Variants in RASGRF2 observed in about 807,000 individuals in gnomAD.
RASGRF2 encodes the protein Ras protein specific guanine nucleotide releasing factor 2.
A neutral mutation model predicts 151.0 loss-of-function variants in RASGRF2; 76 were observed. The ratio of observed to expected loss-of-function variants is 0.50; its 90% CI spans 0.42 to 0.61. The LOEUF is 0.61. Ranked by LOEUF, RASGRF2 falls within the 20% of genes least tolerant of loss-of-function variation. The pLI, the probability that RASGRF2 is intolerant of heterozygous loss-of-function variation, is 0.00. For missense variants in RASGRF2, 1,148 were observed against 1,564.6 expected (o/e 0.73, Z 4.49); for synonymous variants, 504 against 566.5 (o/e 0.89, Z 1.57).
At chr5:81,113,238 T>C in intron 14 of RASGRF2, 1 of 498,510 alleles carries the variant, frequency 2.0e-6, no homozygotes, top group South Asian at 2.9e-5. Context: ...AATTGCTGGC[T>C]CTGATTCAGC....
intron 1 of RASGRF2, among the ~76,000 whole-genome samples, chr5:80,987,065 G>A (rs1334391837): frequency 6.6e-6 from 1 of 152,088 alleles, no homozygotes; most frequent in African/African-American, 2.4e-5. Flanking sequence ...TTCTCCTTCT[G>A]CCAGATGAGC....
rs574340331 is a variant in RASGRF2, at chr5:81,025,960, C to T, written c.289-16917C>T. Among the ~76,000 whole-genome samples, 15 of 150,706 alleles carry T rather than the reference C, an allele frequency of 1.0e-4. No homozygotes were observed. In the East Asian group the frequency reaches 2.0e-3, roughly 20 times the overall value. On this transcript the variant is annotated intron_variant, in intron 1 of 26. Coordinates refer to ENST00000265080, the MANE Select transcript of RASGRF2 (RefSeq NM_006909.3). ...TCCCTCCCTCCCCACACGGCCCTTTCGCCCTCCTTCCTTCCCTCTTCCCTC... is the reference window on the plus strand; with the variant it reads ...TCCCTCCCTCCCCACACGGCCCTTTTGCCCTCCTTCCTTCCCTCTTCCCTC...
Position 81,120,402 on chromosome 5 carries a change from C to T in RASGRF2, c.2471-3240C>T, listed in dbSNP as rs184113431. 4.9e-3 allele frequency among the ~76,000 whole-genome samples: 744 copies of T among 151,958 alleles called. 4 individuals are homozygous for T. The highest frequency in any genetic ancestry group is 0.01 in the Middle Eastern group (3 of 294). On this transcript the variant is annotated intron_variant, in intron 15 of 26. Coordinates refer to ENST00000265080, the MANE Select transcript of RASGRF2 (RefSeq NM_006909.3). ...GACCAGCCTGGGCAACATAGTGAGA[C>T]CTTGTCTCTACTAAAAATAAAAATA...
chr5:81,026,329 A>G (rs1222605239), intron 1 of RASGRF2, among the ~76,000 whole-genome samples: 1 of 148,418 alleles, frequency 6.7e-6, no homozygotes, highest in Non-Finnish European at 1.5e-5. Context: ...TATCTTCTCT[A>G]CTTAAGCTCC....
At chr5:81,167,928 T>C (rs1754550712) in intron 17 of RASGRF2, among the ~76,000 whole-genome samples, 1 of 152,214 alleles carries the variant, frequency 6.6e-6, no homozygotes, top group African/African-American at 2.4e-5. Flanking sequence ...CAGACAATCC[T>C]AGTAAAGTCA....
At chr5:81,181,524 C>G (rs1280287961) in intron 18 of RASGRF2, among the ~76,000 whole-genome samples, 1 of 152,210 alleles carries the variant, frequency 6.6e-6, no homozygotes, top group Admixed American at 6.5e-5. Flanking sequence ...TGTCTAGTCT[C>G]TTTTCCCTGT....
At chr5:81,010,545 G>A (rs1749426080) in intron 1 of RASGRF2, among the ~76,000 whole-genome samples, 1 of 152,188 alleles carries the variant, frequency 6.6e-6, no homozygotes, top group South Asian at 2.1e-4. Context: ...CAGCAAAAAT[G>A]TAAAGTTCTA....
intron 1 of RASGRF2, among the ~76,000 whole-genome samples, chr5:80,967,647 T>G (rs937536748): frequency 1.3e-5 from 2 of 152,212 alleles, no homozygotes; most frequent in African/African-American, 4.8e-5. Context: ...TGGACTGTAT[T>G]TATAAGCCCA....
intron 18 of RASGRF2, 81 bp downstream of exon 18, chr5:81,180,362 T>C (rs1754885936): frequency 8.3e-6 from 7 of 845,636 alleles, no homozygotes; most frequent in Non-Finnish European, 1.2e-5. Flanking sequence ...GTAAAACACC[T>C]CCCTACTCTT....
At chr5:81,127,595 G>A (rs1753492937) in intron 17 of RASGRF2, among the ~76,000 whole-genome samples, 1 of 151,960 alleles carries the variant, frequency 6.6e-6, no homozygotes, top group African/African-American at 2.4e-5. Context: ...AGTGCTTCTG[G>A]GAAGAGACTG....
intron 17 of RASGRF2, among the ~76,000 whole-genome samples, chr5:81,167,868 G>C (rs1754549148): frequency 6.6e-6 from 1 of 152,176 alleles, no homozygotes; most frequent in South Asian, 2.1e-4. Context: ...GGGTGGTGCT[G>C]CTGGGACTCA....
intron 17 of RASGRF2, among the ~76,000 whole-genome samples, chr5:81,129,565 A>G (rs185934095): frequency 5.6e-4 from 85 of 152,320 alleles, no homozygotes; most frequent in African/African-American, 1.9e-3. Context: ...CTTTGCCCCA[A>G]ATATTCTTAA....
chr5:81,080,772 A>G lies in RASGRF2; in HGVS notation c.1144A>G (p.Thr382Ala). The G allele has an allele frequency of 6.2e-7, 1 of 1,613,510 alleles. No homozygotes were observed. Among genetic ancestry groups the G allele is most frequent in the Non-Finnish European group, 8.5e-7 (1 of 1,179,742 alleles). ...GGGGAGGATGCTGGAGACATTCTTG[A>G]CCTATCCCATGTTTCAGGTAAGTCA... ...CEGRMLETFLTYPMFQIPRYI... is the reference protein window; with the variant it reads ...CEGRMLETFLAYPMFQIPRYI... The change falls in exon 7 of 27, where the codon ACC (threonine) becomes GCC (alanine). Residue 382 changes from threonine to alanine, a missense_variant. By Grantham distance (58) the Thr-to-Ala change is moderately conservative (BLOSUM62 0). Around this residue, in one of 5 missense-constraint regions of RASGRF2, gnomAD observed 176 missense variants for 309.6 expected, o/e 0.57. Transcript: ENST00000265080.
chr5:81,192,768 C>G (rs1023277154), intron 18 of RASGRF2, among the ~76,000 whole-genome samples: 17 of 152,204 alleles, frequency 1.1e-4, no homozygotes, highest in African/African-American at 4.1e-4. Flanking sequence ...CCAGACCTGT[C>G]AAGGCTGATT....
chr5:81,196,079 C>T (rs1349265530), intron 18 of RASGRF2, among the ~76,000 whole-genome samples: 1 of 152,062 alleles, frequency 6.6e-6, no homozygotes, highest in East Asian at 1.9e-4. Context: ...GCCAACATGG[C>T]GAAACCCCAT....
chr5:80,981,114 T>C (rs1748285289), intron 1 of RASGRF2, among the ~76,000 whole-genome samples: 1 of 152,254 alleles, frequency 6.6e-6, no homozygotes, highest in Non-Finnish European at 1.5e-5. Context: ...ACAGCAATAC[T>C]ACTTGTTTAT....
At chr5:81,000,275 CTT>C (rs1749036626) in intron 1 of RASGRF2, among the ~76,000 whole-genome samples, 1 of 152,218 alleles carries the variant, frequency 6.6e-6, no homozygotes, top group Admixed American at 6.5e-5. Flanking sequence ...GGGTTTCGCT[CTT>C]GTCACCTAGG....
chr5:81,094,411 G>A, intron 11 of RASGRF2, 49 bp downstream of exon 11: 2 of 1,518,608 alleles, frequency 1.3e-6, no homozygotes. Context: ...AGAGGCGGGA[G>A]AGAGAGGCTG....
rs770609517 is a variant in RASGRF2, at chr5:81,080,128, A to G, written c.895A>G (p.Ile299Val). 66 of 1,594,974 alleles carry G rather than the reference A, an allele frequency of 4.1e-5. No homozygotes were observed. The highest frequency in any genetic ancestry group is 1.7e-4 in the Middle Eastern group (1 of 5,936). The change falls in exon 6 of 27, where the codon ATC becomes GTC. Residue 299 changes from isoleucine (I) to valine (V), a missense_variant. Physicochemically the swap from Ile to Val is conservative, Grantham distance 29. Transcript: ENST00000265080. The part of the protein sequence containing the change: ...VSSIFLNSET[I>V]MFLHEIFHQG... Reference sequence around the variant, plus strand: ...TTTTTCCTTTTTTTATAGTGAAACAATCATGTTTCTTCATGAAATATTTCA... The same window carrying G: ...TTTTTCCTTTTTTTATAGTGAAACAGTCATGTTTCTTCATGAAATATTTCA...
Sources: allele counts gnomAD v4.1 joint callset (sites outside exome capture counted in the v4.1 genomes callset), GRCh38; gene constraint gnomAD v4.1.1; regional missense constraint gnomAD v4.1.1; transcripts MANE v1.5; gene names NCBI Gene and HGNC (gene_info 2026-07-23, HGNC 2026-07-21).